The following BTBD7 variants were observed in gnomAD, a reference collection of about 807,000 sequenced individuals.
The protein encoded by BTBD7 is BTB/POZ domain-containing protein 7.
Under a neutral mutation model 99.9 loss-of-function variants are expected in BTBD7, and 38 were observed. That is an observed-to-expected ratio of 0.38 (90% CI 0.29 to 0.50). BTBD7 has a LOEUF of 0.50. Ranked by LOEUF, BTBD7 falls within the 20% of genes least tolerant of loss-of-function variation. The probability of loss-of-function intolerance (pLI) is 0.93; values close to 1 mark genes in which losing one functional copy is unlikely to be tolerated. For missense variants in BTBD7, 1,170 were observed against 1,394.6 expected, an observed-to-expected ratio of 0.84 and a Z score of 2.57; for synonymous variants, 520 against 511.4, an observed-to-expected ratio of 1.02 and a Z score of -0.23.
intron 3 of BTBD7, among the ~76,000 whole-genome samples, chr14:93,286,630 C>T (rs2052780985): frequency 6.6e-6 from 1 of 152,162 alleles, no homozygotes; most frequent in Non-Finnish European, 1.5e-5. Flanking sequence ...AAATTGGGTC[C>T]AGTATTTCTC....
chr14:93,288,174 CTTT>C (rs1241847534), intron 3 of BTBD7: 1 of 252,640 alleles, frequency 4.0e-6, no homozygotes, highest in Non-Finnish European at 7.4e-6. Context: ...GAAAAAGAAA[CTTT>C]TTATATAGAA....
At chr14:93,245,734 C>T in intron 10 of BTBD7, 91 bp downstream of exon 10, 1 of 1,529,598 alleles carries the variant, frequency 6.5e-7, no homozygotes, top group Non-Finnish European at 8.7e-7. Context: ...CTGGGCACTG[C>T]TGAGTCCCAG....
chr14:93,329,205 C>A, intron 1 of BTBD7, among the ~76,000 whole-genome samples: 1 of 151,660 alleles, frequency 6.6e-6, no homozygotes, highest in African/African-American at 2.4e-5. Context: ...AATTAGAAAA[C>A]AGGGAAATAA....
Position 93,296,081 on chromosome 14 carries a change from CG to C in BTBD7, c.-31del. The C allele has an allele frequency of 1.2e-6, 2 of 1,610,018 alleles. No homozygotes were observed. Among genetic ancestry groups the C allele is most frequent in the East Asian group, 2.2e-5 (1 of 44,750 alleles). On this transcript the variant is annotated 5_prime_UTR_variant, in exon 2 of 11. An upstream open reading frame in the 5' UTR gains an earlier in-frame stop. Coordinates refer to ENST00000334746, the MANE Select transcript of BTBD7 (RefSeq NM_001002860.4). ...TTCAGTCACTCAGGCATTCCGTCTGCGGGTTCTTCAGAGTATAATCCCAGAG... is the reference window on the plus strand; with the variant it reads ...TTCAGTCACTCAGGCATTCCGTCTGCGGTTCTTCAGAGTATAATCCCAGAG...
chr14:93,318,309 G>A (rs978774688), intron 1 of BTBD7, among the ~76,000 whole-genome samples: 1 of 152,202 alleles, frequency 6.6e-6, no homozygotes, highest in Admixed American at 6.5e-5. Context: ...ACCTTTAAAA[G>A]GAGGAAGAAA....
intron 1 of BTBD7, among the ~76,000 whole-genome samples, chr14:93,300,197 G>A (rs2052977111): frequency 6.6e-6 from 1 of 151,516 alleles, no homozygotes; most frequent in Non-Finnish European, 1.5e-5. Context: ...AAAATTTAAT[G>A]AAGTTGTACG....
At chr14:93,296,197 G>A (rs535804590) in intron 1 of BTBD7, 40 bp from the exon 2 acceptor site, 1 of 1,259,146 alleles carries the variant, frequency 7.9e-7, no homozygotes, top group Non-Finnish European at 1.0e-6. Context: ...ATTTTTTCAA[G>A]TGTATCTCAG....
At position 93,251,648 on chromosome 14, in the gene BTBD7, A is replaced by G. The variant is rs2052369426; in HGVS notation, c.1757T>C (p.Val586Ala). ...TTGTTCCACCATCATCTCATCTAGCACTGACTGAAATAATCATTCAGTATT... is the reference window on the plus strand; with the variant it reads ...TTGTTCCACCATCATCTCATCTAGCGCTGACTGAAATAATCATTCAGTATT... ...FSPYVEEAKS[V>A]LDEMMVEQTD... is the part of the protein sequence containing the mutation. The change falls in exon 8 of 11, where the codon GTG becomes GCG. Residue 586 changes from valine to alanine, a missense_variant. Transcript: ENST00000334746. 6.3e-7 allele frequency: 1 copy of G among 1,588,714 alleles called. No homozygotes were observed. The highest frequency in any genetic ancestry group is 8.6e-7 in the Non-Finnish European group (1 of 1,162,490).
chr14:93,292,718 A>G (rs1452704849), intron 3 of BTBD7, among the ~76,000 whole-genome samples: 2 of 152,126 alleles, frequency 1.3e-5, no homozygotes, highest in African/African-American at 4.8e-5. Flanking sequence ...ATTCACAGGT[A>G]TGATCACAGC....
intron 1 of BTBD7, among the ~76,000 whole-genome samples, chr14:93,300,702 ATTTGTGTGTGTG>A (rs1462274107): frequency 2.5e-4 from 27 of 107,556 alleles, no homozygotes; most frequent in African/African-American, 7.6e-4. Flanking sequence ...TGCCCAGCTA[ATTTGTGTGTGTG>A]TGTGTGTGTG....
intron 5 of BTBD7, among the ~76,000 whole-genome samples, chr14:93,259,926 T>G (rs1052436801): frequency 6.6e-6 from 1 of 152,104 alleles, no homozygotes; most frequent in African/African-American, 2.4e-5. Flanking sequence ...ACAGCAAGAC[T>G]CCATCTCAAA....
rs2052203551 is a variant in BTBD7, at chr14:93,239,896, TGA to T, written c.*2375_*2376del. ...TTTGCGGGGGGGGAAGGGTCAGGGA[TGA>T]GAGTTTTTCTCCCCATCCAAATTAG... On this transcript the variant is annotated 3_prime_UTR_variant, in exon 11 of 11. Coordinates refer to ENST00000334746, the MANE Select transcript of BTBD7 (RefSeq NM_001002860.4). 6.6e-6 allele frequency: 1 copy of T among 152,204 alleles called. No homozygotes were observed. The highest frequency in any genetic ancestry group is 1.5e-5 in the Non-Finnish European group (1 of 67,998). The allele number at this position is 152,204 out of a possible 1,614,324, so 9.4% of individuals were successfully genotyped here.
At chr14:93,256,146 T>C (rs928931237) in intron 6 of BTBD7, 2 of 152,208 alleles carry the variant, frequency 1.3e-5, no homozygotes, top group African/African-American at 2.4e-5. Flanking sequence ...CAAGGATTAA[T>C]TTTGTGTGCC....
intron 1 of BTBD7, among the ~76,000 whole-genome samples, chr14:93,317,298 C>T (rs2053218995): frequency 6.6e-6 from 1 of 152,056 alleles, no homozygotes; most frequent in Non-Finnish European, 1.5e-5. Flanking sequence ...AGCCACTGCG[C>T]CCGGCCGGAA....
rs11365837 is a variant in BTBD7 at position 93,245,161 on chromosome 14, CAAA to C, written c.2583+661_2583+663del. 3.6e-3 allele frequency among the ~76,000 whole-genome samples: 466 copies of C among 130,052 alleles called. 2 individuals are homozygous for C. Among genetic ancestry groups the C allele is most frequent in the African/African-American group, 0.012 (439 of 35,626 alleles). 85.3% of individuals were successfully genotyped at this position (130,052 alleles called of 152,430 possible). On this transcript the variant is annotated intron_variant, in intron 10 of 10. Coordinates refer to ENST00000334746, the MANE Select transcript of BTBD7 (RefSeq NM_001002860.4). ...ACAGGTGTGAGTCATGGCACCTGGC[CAAA>C]AAAAAAAAAAAAACTTTTTAAAGTA...
chr14:93,309,803 A>G (rs1006198996), intron 1 of BTBD7, among the ~76,000 whole-genome samples: 1 of 152,220 alleles, frequency 6.6e-6, no homozygotes, highest in African/African-American at 2.4e-5. Flanking sequence ...AAGCTTCTCT[A>G]ATCTCATCCC....
At chr14:93,324,633 C>T (rs1380766558) in intron 1 of BTBD7, among the ~76,000 whole-genome samples, 1 of 152,162 alleles carries the variant, frequency 6.6e-6, no homozygotes, top group African/African-American at 2.4e-5. Context: ...GATCCCAAGA[C>T]AGCTGTCGGT....
chr14:93,243,225 G>A (rs543896404), intron 10 of BTBD7, 137 bp from the exon 11 acceptor site: 5 of 810,408 alleles, frequency 6.2e-6, no homozygotes, highest in African/African-American at 1.7e-5. Flanking sequence ...ACAGAGTCTC[G>A]CTCTGTCGCC....
At chr14:93,307,523 A>G (rs1028341267) in intron 1 of BTBD7, among the ~76,000 whole-genome samples, 8 of 152,214 alleles carry the variant, frequency 5.3e-5, no homozygotes, top group African/African-American at 1.4e-4. Context: ...GTACTGGTCA[A>G]GATAGGCTGT....
Sources: gnomAD v4.1 joint callset for allele counts (sites outside exome capture counted in the v4.1 genomes callset) on GRCh38, gnomAD v4.1.1 for gene constraint, MANE v1.5 for transcripts, NCBI Gene and HGNC (gene_info 2026-07-23, HGNC 2026-07-21) for gene names.